The following DIS3L2 variants were observed in gnomAD, a reference collection of about 807,000 sequenced individuals.
The protein encoded by DIS3L2 is DIS3-like exonuclease 2.
In DIS3L2, 34 loss-of-function variants were observed where a neutral mutation model predicts 97.5. That is an observed-to-expected ratio of 0.35 (90% CI 0.27 to 0.46). The LOEUF (loss-of-function observed/expected upper bound fraction) is 0.46, where lower values mean the gene tolerates loss of function less well. Among genes scored for constraint, DIS3L2 ranks in the 20% least tolerant of loss-of-function variants. DIS3L2 has a pLI of 1.00. For synonymous variants in DIS3L2, 435 were observed against 445.2 expected (o/e 0.98, Z 0.29); for missense variants, 1,038 against 1,146.0 (o/e 0.91, Z 1.36).
rs536574378 is a variant in DIS3L2, at chr2:232,276,368, T to C, written c.1659+12928T>C. Among the ~76,000 whole-genome samples the C allele has an allele frequency of 1.3e-5, 2 of 152,340 alleles. 1 individual carries two copies. The highest frequency in any genetic ancestry group is 4.1e-4 in the South Asian group (2 of 4,830). ...CCACCTGCCAGCCAAGCTCTCAGGC[T>C]TACCCACCTCCCTGGTGGCTATGCC... On this transcript the variant is annotated intron_variant, in intron 13 of 20. Coordinates refer to ENST00000325385, the MANE Select transcript of DIS3L2 (RefSeq NM_152383.5). This position sits in a 1 kb window ranked among gnomAD's most constrained non-coding sequence, Gnocchi z 4.4.
chr2:232,050,022 G>T (rs1695355455), intron 5 of DIS3L2, among the ~76,000 whole-genome samples: 3 of 152,114 alleles, frequency 2.0e-5, no homozygotes, highest in Admixed American at 2.0e-4. Flanking sequence ...TGTGGATTCT[G>T]CAGTTTGTTT....
chr2:232,087,156 G>C (rs1347287490), intron 5 of DIS3L2, among the ~76,000 whole-genome samples: 1 of 151,956 alleles, frequency 6.6e-6, no homozygotes, highest in African/African-American at 2.4e-5. Context: ...TTCCTATATG[G>C]TGAGGGTTTA....
chr2:232,264,948 G>C (rs995419643), intron 13 of DIS3L2, among the ~76,000 whole-genome samples: 3 of 152,244 alleles, frequency 2.0e-5, no homozygotes, highest in Non-Finnish European at 2.9e-5. Flanking sequence ...GTCTGCGTGA[G>C]AATGCTGACA....
At chr2:232,187,368 A>G (rs1691469824) in intron 9 of DIS3L2, among the ~76,000 whole-genome samples, 1 of 152,198 alleles carries the variant, frequency 6.6e-6, no homozygotes, top group African/African-American at 2.4e-5. Flanking sequence ...AGGGTTAAAC[A>G]TAGAGTTACC....
intron 5 of DIS3L2, among the ~76,000 whole-genome samples, chr2:232,085,957 GC>G (rs1304387756): frequency 6.6e-6 from 1 of 151,886 alleles, no homozygotes; most frequent in East Asian, 1.9e-4. Context: ...CAGGCGCCCT[GC>G]CCCCCAACTA....
intron 5 of DIS3L2, among the ~76,000 whole-genome samples, chr2:232,056,242 G>T (rs1695547110): frequency 6.6e-6 from 1 of 151,996 alleles, no homozygotes; most frequent in Non-Finnish European, 1.5e-5. Context: ...CTGGTGGTGT[G>T]TGCCTGTAGT....
At chr2:232,073,093 G>T (rs1192353274) in intron 5 of DIS3L2, among the ~76,000 whole-genome samples, 1 of 152,118 alleles carries the variant, frequency 6.6e-6, no homozygotes, top group Non-Finnish European at 1.5e-5. Context: ...AAGCTTATTG[G>T]CAAGCCTTGT....
chr2:232,329,785 T>TGCCCGGGGGGGGGCCCCCCCC, intron 14 of DIS3L2, 28 bp from the exon 15 acceptor site: 5 of 967,138 alleles, frequency 5.2e-6, no homozygotes, highest in Non-Finnish European at 7.3e-6. Context: ...ACCCCAGCGG[T>TGCCCGGGGGGGGGCCCCCCCC]CCCTCCCATC....
At chr2:232,208,106 C>T (rs1692080832) in intron 9 of DIS3L2, among the ~76,000 whole-genome samples, 1 of 152,124 alleles carries the variant, frequency 6.6e-6, no homozygotes, top group Non-Finnish European at 1.5e-5. Flanking sequence ...TTAAAATTGA[C>T]CTTCTTTTGC....
At chr2:232,167,769 G>A (rs183853132) in intron 9 of DIS3L2, among the ~76,000 whole-genome samples, 1 of 152,130 alleles carries the variant, frequency 6.6e-6, no homozygotes, top group Non-Finnish European at 1.5e-5. Flanking sequence ...AAAAAATTCA[G>A]CCAGGCACAT....
intron 10 of DIS3L2, among the ~76,000 whole-genome samples, chr2:232,216,605 T>G (rs1692341894): frequency 6.6e-6 from 1 of 152,056 alleles, no homozygotes; most frequent in Non-Finnish European, 1.5e-5. Context: ...TTCTCACCAC[T>G]CATCACTTGC....
intron 12 of DIS3L2, among the ~76,000 whole-genome samples, chr2:232,257,051 G>T (rs1693585393): frequency 6.6e-6 from 1 of 152,226 alleles, no homozygotes; most frequent in South Asian, 2.1e-4. Flanking sequence ...CCAGGAGGCA[G>T]AAGTTGCAGT....
At chr2:232,011,897 C>T (rs1387118931) in intron 1 of DIS3L2, among the ~76,000 whole-genome samples, 1 of 152,140 alleles carries the variant, frequency 6.6e-6, no homozygotes, top group African/African-American at 2.4e-5. Context: ...GCAGTCTGCC[C>T]GCCTTGGCCT....
At chr2:232,167,202 T>C (rs1690850059) in intron 9 of DIS3L2, among the ~76,000 whole-genome samples, 1 of 152,172 alleles carries the variant, frequency 6.6e-6, no homozygotes, top group Admixed American at 6.5e-5. Context: ...AGAAGTAATA[T>C]AGTAAATTAC....
intron 1 of DIS3L2, among the ~76,000 whole-genome samples, chr2:231,988,812 A>T (rs1693494629): frequency 6.6e-6 from 1 of 152,224 alleles, no homozygotes; most frequent in Non-Finnish European, 1.5e-5. Context: ...GAAAAAAATA[A>T]ATAACTAACA....
In DIS3L2 at chr2:232,015,913, G is replaced by T. The variant is rs1694342857; in HGVS notation, c.210+242G>T. 1.4e-5 allele frequency: 5 copies of T among 361,862 alleles called. No homozygotes were observed. The East Asian group carries it at 2.3e-4, about 16-fold the overall frequency. The allele number at this position is 361,862 out of a possible 1,614,324, so 22.4% of individuals were successfully genotyped here. On this transcript the variant is annotated intron_variant, in intron 3 of 20. Coordinates refer to ENST00000325385, the MANE Select transcript of DIS3L2 (RefSeq NM_152383.5). ...AAAGTGCTCTGAGATTTGAGAGGAG[G>T]GAACCACTATTTCCCATTAGGATTG...
rs1691613871 is a variant in DIS3L2 at position 232,191,371 on chromosome 2, G to A, written c.1125-18955G>A. 1.3e-5 allele frequency among the ~76,000 whole-genome samples: 2 copies of A among 152,194 alleles called. 1 individual carries two copies. Among genetic ancestry groups the A allele is most frequent in the South Asian group, 4.1e-4 (2 of 4,828 alleles). The stretch of plus-strand genomic sequence containing the variant: ...GGATTTAATTTTTGGAAGCAGCCAA[G>A]TTAATTCAGAGCCAAGGGTGGTAAA... On this transcript the variant is annotated intron_variant, in intron 9 of 20. Transcript: ENST00000325385.
chr2:232,187,626 A>G (rs1691477586), intron 9 of DIS3L2, among the ~76,000 whole-genome samples: 4 of 152,020 alleles, frequency 2.6e-5, no homozygotes, highest in Admixed American at 2.6e-4. Context: ...TATTTTTAGT[A>G]GAGACAGGGT....
At chr2:232,083,692 A>G (rs1359993397) in intron 5 of DIS3L2, among the ~76,000 whole-genome samples, 1 of 151,970 alleles carries the variant, frequency 6.6e-6, no homozygotes, top group East Asian at 1.9e-4. Flanking sequence ...ACAGGGTTTC[A>G]CCATGTTGGC....
Sources: allele counts gnomAD v4.1 joint callset (sites outside exome capture counted in the v4.1 genomes callset), GRCh38; gene constraint gnomAD v4.1.1; non-coding constraint Gnocchi (gnomAD v3.1); transcripts MANE v1.5; gene names NCBI Gene and HGNC (gene_info 2026-07-23, HGNC 2026-07-21).